TTC27: variants seen among roughly 807,000 people sequenced by gnomAD.
TTC27 encodes tetratricopeptide repeat domain 27.
A neutral mutation model predicts 115.9 loss-of-function variants in TTC27; 79 were observed. The ratio of observed to expected loss-of-function variants is 0.68; its 90% CI spans 0.57 to 0.82. TTC27 has a LOEUF of 0.82. Ranked by LOEUF, TTC27 falls within the 40% of genes least tolerant of loss-of-function variation. The pLI is 0.00. For missense variants in TTC27, 1,054 were observed against 993.1 expected (o/e 1.06, Z -0.82); for synonymous variants, 401 against 356.0 (o/e 1.13, Z -1.42).
At chr2:32,773,774 A>G (rs1256582118) in intron 13 of TTC27, among the ~76,000 whole-genome samples, 1 of 152,234 alleles carries the variant, frequency 6.6e-6, no homozygotes, top group African/African-American at 2.4e-5. Context: ...TAAAGAGAGG[A>G]ACAGGAGTAA....
At chr2:32,630,958 G>A (rs1403372080) in intron 2 of TTC27, among the ~76,000 whole-genome samples, 1 of 151,964 alleles carries the variant, frequency 6.6e-6, no homozygotes, top group Non-Finnish European at 1.5e-5. Flanking sequence ...GCTTAGGTCT[G>A]GTCGGCTTTA....
At chr2:32,713,518 C>G (rs535786673) in intron 10 of TTC27, among the ~76,000 whole-genome samples, 1 of 152,266 alleles carries the variant, frequency 6.6e-6, no homozygotes, top group African/African-American at 2.4e-5. Context: ...ACCTCTTACA[C>G]CTGTTAATTT....
intron 16 of TTC27, among the ~76,000 whole-genome samples, chr2:32,793,102 GTA>G (rs1174350475): frequency 6.6e-6 from 1 of 152,194 alleles, no homozygotes; most frequent in Non-Finnish European, 1.5e-5. Flanking sequence ...CAGTGGGATA[GTA>G]TTGGTTTGGG....
chr2:32,704,480 GC>G (rs1188917424), intron 10 of TTC27, among the ~76,000 whole-genome samples: 1 of 152,112 alleles, frequency 6.6e-6, no homozygotes, highest in Non-Finnish European at 1.5e-5. Context: ...GAGCTGCTGT[GC>G]CCGGCCAAAA....
chr2:32,705,025 G>A (rs1013196345), intron 10 of TTC27: 7 of 426,660 alleles, frequency 1.6e-5, no homozygotes, highest in East Asian at 7.1e-5. Context: ...TGTTCCCTCC[G>A]TATCTCTTGT....
chr2:32,743,431 A>G lies in TTC27; in HGVS notation c.1452+6615A>G, dbSNP rs202050497. ...CATCCCTGACAGAGTGCTTCCTGGA[A>G]TCCTAGTGGTGCTTAGGGTAGGATC... On this transcript the variant is annotated intron_variant, in intron 12 of 19. Coordinates refer to ENST00000317907, the MANE Select transcript of TTC27 (RefSeq NM_017735.5). Among the ~76,000 whole-genome samples the G allele has an allele frequency of 2.1e-4, 32 of 152,272 alleles. No homozygotes were observed. In the East Asian group the frequency reaches 5.4e-3, roughly 26 times the overall value.
At chr2:32,637,767 A>G (rs1664483841) in intron 3 of TTC27, among the ~76,000 whole-genome samples, 1 of 152,222 alleles carries the variant, frequency 6.6e-6, no homozygotes, top group Non-Finnish European at 1.5e-5. Flanking sequence ...TAGTTTGGGC[A>G]CTTTAGGCAG....
intron 9 of TTC27, among the ~76,000 whole-genome samples, chr2:32,692,699 C>T (rs975665283): frequency 3.9e-5 from 6 of 152,008 alleles, no homozygotes; most frequent in Non-Finnish European, 7.4e-5. Context: ...TGGTGGGGCA[C>T]GGTGGTTTAC....
At chr2:32,698,566 G>A (rs1291186174) in intron 9 of TTC27, among the ~76,000 whole-genome samples, 1 of 147,176 alleles carries the variant, frequency 6.8e-6, no homozygotes, top group East Asian at 2.1e-4. Context: ...TGCAAGCTCC[G>A]CCTCCCGGGT....
intron 12 of TTC27, among the ~76,000 whole-genome samples, chr2:32,752,878 C>G (rs542676304): frequency 6.6e-6 from 1 of 152,310 alleles, no homozygotes; most frequent in South Asian, 2.1e-4. Flanking sequence ...GATGAAGTAA[C>G]TGTTACTAGA....
intron 13 of TTC27, among the ~76,000 whole-genome samples, chr2:32,764,282 G>T (rs979281476): frequency 6.6e-6 from 1 of 151,862 alleles, no homozygotes; most frequent in Admixed American, 6.6e-5. Context: ...CCAGGCCACC[G>T]CAGTAAAGCA....
Position 32,666,742 on chromosome 2 carries a change from C to T in TTC27, c.913C>T (p.Pro305Ser), listed in dbSNP as rs1314405559. The change falls in exon 7 of 20, where the codon CCC (proline) becomes TCC (serine). Residue 305 changes from proline to serine, a missense_variant. Pro to Ser is a moderately conservative substitution (Grantham distance 74). Coordinates refer to ENST00000317907, the MANE Select transcript of TTC27 (RefSeq NM_017735.5). ...TTCAAATTGTGAATTCACTCCAGCACCCACTCCTCAGGAACATTTAACCAA... is the reference window on the plus strand; with the variant it reads ...TTCAAATTGTGAATTCACTCCAGCATCCACTCCTCAGGAACATTTAACCAA... Reference protein sequence around the residue: ...VLSNCEFTPAPTPQEHLTKNL... With the variant: ...VLSNCEFTPASTPQEHLTKNL... 6.2e-7 allele frequency: 1 copy of T among 1,613,500 alleles called. No individual in the cohort carries two copies. The highest frequency in any genetic ancestry group is 1.3e-5 in the African/African-American group (1 of 74,904).
chr2:32,687,111 T>A (rs1425309059), intron 9 of TTC27, among the ~76,000 whole-genome samples: 1 of 152,164 alleles, frequency 6.6e-6, no homozygotes, highest in Non-Finnish European at 1.5e-5. Context: ...TCCCAAAGTC[T>A]GAGATTACAG....
intron 13 of TTC27, among the ~76,000 whole-genome samples, chr2:32,768,737 A>G (rs1361174961): frequency 6.6e-6 from 1 of 152,252 alleles, no homozygotes; most frequent in Non-Finnish European, 1.5e-5. Context: ...AGTGGTAAGC[A>G]TGGAAAACAT....
rs2063525907 is a variant in TTC27, at chr2:32,628,323, G to C, written c.31G>C (p.Gly11Arg). The change falls in exon 1 of 20, where the codon GGA (glycine) becomes CGA (arginine). Residue 11 changes from glycine to arginine, a missense_variant. Transcript: ENST00000317907. ...GACCCCGGAGCTGGCAATTCTGAGG[G>C]GATTCCCCACTGAGGCTGAGCGGCA... MWTPELAILR[G>R]FPTEAERQQW... 1.9e-6 allele frequency: 3 copies of C among 1,607,790 alleles called. No homozygotes were observed. Among genetic ancestry groups the C allele is most frequent in the Admixed American group, 1.7e-5 (1 of 58,850 alleles).
rs896226144 is a variant in TTC27 at position 32,719,419 on chromosome 2, A to T, written c.1234-14409A>T. Among the ~76,000 whole-genome samples, 51 of 152,222 alleles carry T rather than the reference A, an allele frequency of 3.4e-4. 1 individual carries two copies. Among genetic ancestry groups the T allele is most frequent in the African/African-American group, 1.2e-3 (49 of 41,468 alleles). ...TTGAGGTTGACTATATGGGAAACTT[A>T]TATTAGCTCTGCATCAAATATATTA... On this transcript the variant is annotated intron_variant, in intron 10 of 19. Transcript: ENST00000317907.
At position 32,640,313 on chromosome 2, in the gene TTC27, A is replaced by T; in HGVS notation, c.440A>T (p.Asp147Val). ...DAFVLSLLTLDGESIYSLTSK... is the reference protein window; with the variant it reads ...DAFVLSLLTLVGESIYSLTSK... ...TTTGTTCTGAGCCTGCTCACTCTAGATGGTGAATCAATCTACAGCCTGACC... is the reference window on the plus strand; with the variant it reads ...TTTGTTCTGAGCCTGCTCACTCTAGTTGGTGAATCAATCTACAGCCTGACC... Residue 147 changes from aspartate to valine, a missense_variant, in exon 4 of 20, where the codon GAT (aspartate) becomes GTT (valine). Coordinates refer to ENST00000317907, the MANE Select transcript of TTC27 (RefSeq NM_017735.5). The T allele has an allele frequency of 6.2e-7, 1 of 1,614,092 alleles. No individual in the cohort carries two copies. The highest frequency in any genetic ancestry group is 8.5e-7 in the Non-Finnish European group (1 of 1,179,994).
chr2:32,693,868 T>TA (rs1666894528), intron 9 of TTC27, among the ~76,000 whole-genome samples: 1 of 152,368 alleles, frequency 6.6e-6, no homozygotes, highest in South Asian at 2.1e-4. Flanking sequence ...AAGATACCAT[T>TA]ACTGTTGTAA....
chr2:32,693,094 A>T lies in TTC27; in HGVS notation c.1120-9713A>T, dbSNP rs141794766. Among the ~76,000 whole-genome samples the T allele has an allele frequency of 9.3e-3, 1,422 of 152,328 alleles. 11 individuals carry two copies. The highest frequency in any genetic ancestry group is 0.024 in the Middle Eastern group (7 of 294). ...TAAAATTTCAAGTCTTTCCAAATTA[A>T]CCTACATAATTAATACAATCCTTAA... On this transcript the variant is annotated intron_variant, in intron 9 of 19. Coordinates refer to ENST00000317907, the MANE Select transcript of TTC27 (RefSeq NM_017735.5).
Sources: allele counts gnomAD v4.1 joint callset (sites outside exome capture counted in the v4.1 genomes callset), GRCh38; gene constraint gnomAD v4.1.1; transcripts MANE v1.5; gene names NCBI Gene and HGNC (gene_info 2026-07-23, HGNC 2026-07-21).